MFSD8: variants seen among roughly 807,000 people sequenced by gnomAD.
MFSD8 encodes major facilitator superfamily domain containing 8, also known as major facilitator superfamily domain-containing protein 8.
Under a neutral mutation model 66.4 loss-of-function variants are expected in MFSD8, and 55 were observed. That is an observed-to-expected ratio of 0.83 (90% CI 0.67 to 1.04). The LOEUF (loss-of-function observed/expected upper bound fraction) is 1.04, where lower values mean the gene tolerates loss of function less well. Ranked by LOEUF, MFSD8 falls within the 50% of genes least tolerant of loss-of-function variation. The pLI is 0.00. For missense variants in MFSD8, 550 were observed against 627.6 expected (o/e 0.88, Z 1.32); for synonymous variants, 202 against 212.8 (o/e 0.95, Z 0.44).
At chr4:127,964,483 C>T (rs550590715) in intron 1 of MFSD8, among the ~76,000 whole-genome samples, 2 of 152,368 alleles carry the variant, frequency 1.3e-5, no homozygotes, top group East Asian at 3.9e-4. Flanking sequence ...GGCCCGGGTG[C>T]TAAGCCCCTC....
intron 1 of MFSD8, among the ~76,000 whole-genome samples, chr4:127,961,172 CA>C (rs1743677012): frequency 6.6e-6 from 1 of 152,128 alleles, no homozygotes; most frequent in South Asian, 2.1e-4. Flanking sequence ...CATGTTTGTG[CA>C]ATATATTCAA....
rs900004748 is a variant in MFSD8, at chr4:127,920,474, A to G, written c.*156T>C. 6 of 735,814 alleles carry G rather than the reference A, an allele frequency of 8.2e-6. No individual in the cohort carries two copies. Among genetic ancestry groups the G allele is most frequent in the Non-Finnish European group, 1.4e-5 (6 of 414,514 alleles). The allele number at this position is 735,814 out of a possible 1,614,324, so 45.6% of individuals were successfully genotyped here. On this transcript the variant is annotated 3_prime_UTR_variant, in exon 12 of 12. Transcript: ENST00000641686. The stretch of plus-strand genomic sequence containing the variant: ...TAACCTACTATTCACAATGACATGT[A>G]GAATTCTCTCTGTTATTCAACATAT...
At chr4:127,930,924 T>C (rs1222319624) in intron 8 of MFSD8, 107 bp from the exon 9 acceptor site, 1 of 1,110,134 alleles carries the variant, frequency 9.0e-7, no homozygotes, top group Non-Finnish European at 1.3e-6. Flanking sequence ...AGAATGTGCA[T>C]GCCTTTTAGC....
intron 7 of MFSD8, among the ~76,000 whole-genome samples, chr4:127,936,290 T>G (rs1739071532): frequency 6.6e-6 from 1 of 152,044 alleles, no homozygotes; most frequent in Admixed American, 6.5e-5. Context: ...ATATTTATAT[T>G]TTTAGCAGAG....
chr4:127,953,057 T>C (rs954979852), intron 2 of MFSD8, among the ~76,000 whole-genome samples: 9 of 152,154 alleles, frequency 5.9e-5, no homozygotes, highest in Non-Finnish European at 1.2e-4. Context: ...ACCTTCTTGA[T>C]GGAACCCCAG....
intron 9 of MFSD8, among the ~76,000 whole-genome samples, chr4:127,928,118 G>C (rs1016193578): frequency 6.6e-6 from 1 of 151,886 alleles, no homozygotes; most frequent in African/African-American, 2.4e-5. Context: ...GTGTGATCTT[G>C]GTTCACTGCT....
At chr4:127,939,204 TAAG>T (rs1292532111) in intron 6 of MFSD8, 1 of 160,138 alleles carries the variant, frequency 6.2e-6, no homozygotes, top group East Asian at 1.7e-4. Flanking sequence ...ATATAAAAGA[TAAG>T]AGATATACAT....
rs543698623 is a variant in MFSD8, at chr4:127,962,399, C to CAG, written c.62+2671_62+2672dup. ...AGGAGAATCGCTTGAACCTGGGAGGCAGAGGTGGCAGTGAGCCAAAATCGC... is the reference window on the plus strand; with the variant it reads ...AGGAGAATCGCTTGAACCTGGGAGGCAGAGAGGTGGCAGTGAGCCAAAATCGC... On this transcript the variant is annotated intron_variant, in intron 1 of 11. Transcript: ENST00000641686. Among the ~76,000 whole-genome samples the CAG allele has an allele frequency of 1.7e-4, 26 of 152,176 alleles. No individual in the cohort carries two copies. The East Asian group carries it at 4.3e-3, about 25-fold the overall frequency.
At chr4:127,956,923 ATTTG>A (rs1205637219) in intron 2 of MFSD8, among the ~76,000 whole-genome samples, 4 of 151,712 alleles carry the variant, frequency 2.6e-5, no homozygotes, top group African/African-American at 9.7e-5. Flanking sequence ...CCTTAATGTT[ATTTG>A]TTTCTTTTCA....
intron 11 of MFSD8, chr4:127,921,080 GA>G (rs1736279157): frequency 1.7e-6 from 1 of 573,326 alleles, no homozygotes; most frequent in African/African-American, 1.9e-5. Context: ...TAATAAAATT[GA>G]TTAAAATACC....
chr4:127,965,255 C>G (rs548234759), upstream of MFSD8: 15 of 1,295,748 alleles, frequency 1.2e-5, 2 homozygotes, highest in South Asian at 1.3e-4. Context: ...GACGGTCAGA[C>G]GTAGGCGGAA....
intron 8 of MFSD8, 80 bp from the exon 9 acceptor site, chr4:127,930,897 C>T (rs960564982): frequency 2.4e-5 from 33 of 1,358,996 alleles, no homozygotes; most frequent in Admixed American, 2.0e-4. Context: ...GTTTTAATAA[C>T]GACATCTACA....
intron 7 of MFSD8, among the ~76,000 whole-genome samples, chr4:127,937,972 AG>A (rs894475337): frequency 6.6e-6 from 1 of 152,132 alleles, no homozygotes; most frequent in Non-Finnish European, 1.5e-5. Context: ...CCTAAATAAC[AG>A]GTTTTTTTTT....
chr4:127,964,541 C>A lies in MFSD8; in HGVS notation c.62+531G>T, dbSNP rs192432895. The A allele has an allele frequency of 1.7e-4, 29 of 172,978 alleles. 1 individual carries two copies. The East Asian group carries it at 5.1e-3, about 30-fold the overall frequency. The allele number at this position is 172,978 out of a possible 1,614,324, so 10.7% of individuals were successfully genotyped here. On this transcript the variant is annotated intron_variant, in intron 1 of 11. Transcript: ENST00000641686. ...GGCCTGCTGCTCCCAGTGCGGGGCC[C>A]GCCAAGCCCACGCCCACTCGGAACT...
chr4:127,961,090 A>C lies in MFSD8; in HGVS notation c.63-3498T>G, dbSNP rs192897129. On this transcript the variant is annotated intron_variant, in intron 1 of 11. Transcript: ENST00000641686. ...GTCAGTGGGGAGCACTGAGGATTCA[A>C]GAGGCCAGCTCCACCAGACCAGCAA... 3.0e-3 allele frequency among the ~76,000 whole-genome samples: 455 copies of C among 152,304 alleles called. 4 individuals carry two copies. The highest frequency in any genetic ancestry group is 0.011 in the African/African-American group (438 of 41,562).
At chr4:127,933,342 C>A (rs996619242) in intron 7 of MFSD8, 3 of 337,068 alleles carry the variant, frequency 8.9e-6, no homozygotes, top group Non-Finnish European at 1.7e-5. Context: ...CCTCCCCAGG[C>A]TCAGGTGATC....
At chr4:127,932,373 A>G (rs1299054844) in intron 8 of MFSD8, 1 of 152,444 alleles carries the variant, frequency 6.6e-6, no homozygotes, top group Non-Finnish European at 1.5e-5. Flanking sequence ...ACACTCTTAT[A>G]CATACATAGG....
intron 1 of MFSD8, among the ~76,000 whole-genome samples, chr4:127,960,864 A>C (rs1743622254): frequency 6.6e-6 from 1 of 152,214 alleles, no homozygotes; most frequent in Non-Finnish European, 1.5e-5. Flanking sequence ...TTCATTAACA[A>C]ACCTATATTA....
In MFSD8 at chr4:127,919,849, A is replaced by G. The variant is rs1736137304; in HGVS notation, c.*781T>C. The G allele has an allele frequency of 6.6e-6, 1 of 152,212 alleles. No individual in the cohort carries two copies. Among genetic ancestry groups the G allele is most frequent in the African/African-American group, 2.4e-5 (1 of 41,464 alleles). The allele number at this position is 152,212 out of a possible 1,614,324, so 9.4% of individuals were successfully genotyped here. A position where few individuals can be genotyped will look rare whatever the true frequency, so the allele number is the denominator to read the frequency against. ...TTTACTGTTTTGTATATATATATAT[A>G]AAATAACACATATCTGGATTATGTT... On this transcript the variant is annotated 3_prime_UTR_variant, in exon 12 of 12. Coordinates refer to ENST00000641686, the MANE Select transcript of MFSD8 (RefSeq NM_001371596.2).
Sources: allele counts gnomAD v4.1 joint callset (sites outside exome capture counted in the v4.1 genomes callset), GRCh38; gene constraint gnomAD v4.1.1; transcripts MANE v1.5; gene names NCBI Gene and HGNC (gene_info 2026-07-23, HGNC 2026-07-21).